The following CSE1L variants were observed in gnomAD, a reference collection of about 807,000 sequenced individuals.
The protein encoded by CSE1L is exportin-2.
Under a neutral mutation model 120.4 loss-of-function variants are expected in CSE1L, and 24 were observed. The ratio of observed to expected loss-of-function variants is 0.20; its 90% CI spans 0.14 to 0.28. CSE1L has a LOEUF of 0.28. Ranked by LOEUF, CSE1L falls within the 10% of genes least tolerant of loss-of-function variation. The probability of loss-of-function intolerance (pLI) is 1.00; values close to 1 mark genes in which losing one functional copy is unlikely to be tolerated. For missense variants in CSE1L, 830 were observed against 1,145.2 expected (o/e 0.72, Z 3.97); for synonymous variants, 402 against 398.3 (o/e 1.01, Z -0.11).
chr20:49,052,470 G>A (rs1568760355), intron 1 of CSE1L, among the ~76,000 whole-genome samples: 1 of 152,178 alleles, frequency 6.6e-6, no homozygotes, highest in African/African-American at 2.4e-5. Context: ...TAGAGGATGA[G>A]CATTATTATG....
chr20:49,075,295 T>C, intron 11 of CSE1L, 23 bp from the exon 12 acceptor site: 1 of 1,574,982 alleles, frequency 6.3e-7, no homozygotes, highest in Non-Finnish European at 8.7e-7. Context: ...TTCCCCATAA[T>C]ATATTTTCTT....
chr20:49,076,904 A>C, intron 12 of CSE1L, 76 bp from the exon 13 acceptor site: 1 of 897,236 alleles, frequency 1.1e-6, no homozygotes, highest in Non-Finnish European at 1.7e-6. Context: ...GGTTTTCTAA[A>C]ATTGCCTGAA....
At chr20:49,067,733 T>C (rs1012782538) in intron 6 of CSE1L, among the ~76,000 whole-genome samples, 2 of 151,648 alleles carry the variant, frequency 1.3e-5, no homozygotes, top group East Asian at 1.9e-4. Context: ...ATATACTTTT[T>C]TTCTTTTTTC....
intron 23 of CSE1L, 67 bp downstream of exon 23, chr20:49,094,353 A>G (rs2092123943): frequency 6.9e-7 from 1 of 1,455,888 alleles, no homozygotes; most frequent in Non-Finnish European, 9.5e-7. Context: ...AAAATTAACA[A>G]AGCTTATTCT....
intron 3 of CSE1L, among the ~76,000 whole-genome samples, chr20:49,065,157 CAA>C (rs3091720): frequency 9.7e-4 from 129 of 133,576 alleles, no homozygotes; most frequent in Admixed American, 1.2e-3. Flanking sequence ...AACCCAGTCT[CAA>C]AAAAAAAAAA....
chr20:49,059,565 T>C (rs1319432870), intron 2 of CSE1L, among the ~76,000 whole-genome samples: 1 of 152,172 alleles, frequency 6.6e-6, no homozygotes, highest in Non-Finnish European at 1.5e-5. Context: ...CCCTCATTTT[T>C]AAATGTTAGC....
chr20:49,055,013 T>C (rs1256237898), intron 1 of CSE1L, among the ~76,000 whole-genome samples: 1 of 152,248 alleles, frequency 6.6e-6, no homozygotes, highest in African/African-American at 2.4e-5. Flanking sequence ...TTCTAACGTT[T>C]AAGGTGCTGT....
chr20:49,065,586 ATTTTTTTTT>A (rs1169151375), intron 3 of CSE1L, among the ~76,000 whole-genome samples: 12 of 76,352 alleles, frequency 1.6e-4, no homozygotes, highest in East Asian at 1.2e-3. Context: ...TAAAATGGAA[ATTTTTTTTT>A]TTTTTTTTTT....
Position 49,063,294 on chromosome 20 carries a change from G to A in CSE1L, c.178G>A (p.Val60Ile). The A allele has an allele frequency of 6.4e-7, 1 of 1,563,522 alleles. No homozygotes were observed. Residue 60 changes from valine to isoleucine, a missense_variant, in exon 3 of 25, where the codon GTA becomes ATA. Around this residue, in one of 4 missense-constraint regions of CSE1L, gnomAD observed 543 missense variants for 640.2 expected, o/e 0.85. Coordinates refer to ENST00000262982, the MANE Select transcript of CSE1L (RefSeq NM_001316.4). ...LEKSQDNVIK[V>I]CASVTFKNYI... The stretch of plus-strand genomic sequence containing the variant: ...GAAGTCCCAGGATAATGTTATCAAA[G>A]TATGTGCTTCAGTAACATTCAAAAA...
intron 19 of CSE1L, 36 bp from the exon 20 acceptor site, chr20:49,090,706 G>C (rs754204711): frequency 1.3e-6 from 2 of 1,513,644 alleles, no homozygotes; most frequent in Non-Finnish European, 9.2e-7. Context: ...AATTATTCCT[G>C]TTAACCATTT....
chr20:49,084,970 A>G (rs549180500), intron 15 of CSE1L, among the ~76,000 whole-genome samples: 5 of 152,220 alleles, frequency 3.3e-5, no homozygotes, highest in African/African-American at 1.2e-4. Context: ...AAAATAAATG[A>G]CAGAGTCCCC....
chr20:49,087,974 ACT>A (rs2092073072), intron 16 of CSE1L, 33 bp from the exon 17 acceptor site: 1 of 1,410,432 alleles, frequency 7.1e-7, no homozygotes, highest in East Asian at 2.3e-5. Context: ...GTTTAACTAA[ACT>A]CTATTTGTTT....
chr20:49,080,422 CAGATGA>C (rs2092002843), intron 14 of CSE1L, among the ~76,000 whole-genome samples: 1 of 152,032 alleles, frequency 6.6e-6, no homozygotes, highest in Admixed American at 6.5e-5. Context: ...TCAGTGGATT[CAGATGA>C]AGGAGAACGT....
chr20:49,055,724 AT>A (rs1438273979), intron 1 of CSE1L, among the ~76,000 whole-genome samples: 2 of 152,192 alleles, frequency 1.3e-5, no homozygotes, highest in Non-Finnish European at 2.9e-5. Flanking sequence ...GTCTGAAAAA[AT>A]AATAAAATTT....
At chr20:49,052,331 A>C (rs2091773068) in intron 1 of CSE1L, among the ~76,000 whole-genome samples, 1 of 152,270 alleles carries the variant, frequency 6.6e-6, no homozygotes, top group Non-Finnish European at 1.5e-5. Flanking sequence ...ATGAGACGAC[A>C]AAGAAGTTTA....
chr20:49,056,775 G>A (rs1440945117), intron 1 of CSE1L, among the ~76,000 whole-genome samples: 8 of 151,274 alleles, frequency 5.3e-5, no homozygotes, highest in Admixed American at 2.0e-4. Context: ...TATATTTGTG[G>A]TATGCATGTT....
chr20:49,075,054 T>C (rs1177206857), intron 11 of CSE1L, among the ~76,000 whole-genome samples: 1 of 152,228 alleles, frequency 6.6e-6, no homozygotes, highest in Non-Finnish European at 1.5e-5. Context: ...ATCATTTGTC[T>C]GTTCTTACAT....
intron 23 of CSE1L, 65 bp downstream of exon 23, chr20:49,094,351 CAA>C: frequency 6.8e-7 from 1 of 1,470,958 alleles, no homozygotes; most frequent in Admixed American, 1.9e-5. Flanking sequence ...GCAAAATTAA[CAA>C]AGCTTATTCT....
intron 2 of CSE1L, among the ~76,000 whole-genome samples, chr20:49,061,483 ATTATTATTTATTTAT>A (rs1406391850): frequency 1.7e-5 from 2 of 117,608 alleles, no homozygotes; most frequent in Non-Finnish European, 1.8e-5. Flanking sequence ...AAAAATTATT[ATTATTATTTATTTAT>A]TTATTTATTT....
Sources: gnomAD v4.1 joint callset for allele counts (sites outside exome capture counted in the v4.1 genomes callset) on GRCh38, gnomAD v4.1.1 for gene constraint, gnomAD v4.1.1 regional missense constraint, MANE v1.5 for transcripts, NCBI Gene and HGNC (gene_info 2026-07-23, HGNC 2026-07-21) for gene names.